The following PTPRF variants were observed in gnomAD, a reference collection of about 807,000 sequenced individuals.
PTPRF encodes the protein receptor-type tyrosine-protein phosphatase F.
A neutral mutation model predicts 201.8 loss-of-function variants in PTPRF; 59 were observed. The observed-to-expected ratio is 0.29, with a 90% CI of 0.24 to 0.36. The LOEUF (loss-of-function observed/expected upper bound fraction) is 0.36. Among genes scored for constraint, PTPRF ranks in the 10% least tolerant of loss-of-function variants. The probability of loss-of-function intolerance (pLI) is 1.00; values close to 1 mark genes in which losing one functional copy is unlikely to be tolerated. For synonymous variants in PTPRF, 1,088 were observed against 1,089.7 expected, an observed-to-expected ratio of 1.00 and a Z score of 0.03; for missense variants, 2,132 against 2,690.5, an observed-to-expected ratio of 0.79 and a Z score of 4.59.
chr1:43,526,488 G>C (rs1643116463), upstream of PTPRF, among the ~76,000 whole-genome samples: 2 of 151,878 alleles, frequency 1.3e-5, no homozygotes, highest in South Asian at 4.2e-4. Flanking sequence ...TGTGTTCTAA[G>C]TCCTGGGCCT....
intron 7 of PTPRF, among the ~76,000 whole-genome samples, chr1:43,587,282 A>C (rs1367706274): frequency 1.3e-5 from 2 of 152,196 alleles, no homozygotes; most frequent in African/African-American, 4.8e-5. Context: ...AGTGGACAAC[A>C]AGGCAGGAGG....
chr1:43,608,595 G>C (rs1052065820), intron 21 of PTPRF, among the ~76,000 whole-genome samples: 11 of 152,198 alleles, frequency 7.2e-5, no homozygotes, highest in African/African-American at 2.7e-4. Flanking sequence ...AGACTGCATT[G>C]CTTTCCCTGA....
chr1:43,530,528 A>T (rs186412538), upstream of PTPRF, among the ~76,000 whole-genome samples: 2 of 152,248 alleles, frequency 1.3e-5, no homozygotes, highest in East Asian at 3.9e-4. The surrounding 1 kb of genome is among the most constrained non-coding windows in gnomAD (Gnocchi z 4.1). Context: ...TTTGGACTCA[A>T]TATTGGGTTT....
In PTPRF at chr1:43,590,209, T is replaced by G. The variant is rs1570387093; in HGVS notation, c.950-763T>G. Among the ~76,000 whole-genome samples the G allele has an allele frequency of 3.9e-5, 6 of 152,238 alleles. No individual in the cohort carries two copies. The South Asian group carries it at 1.2e-3, about 32-fold the overall frequency. On this transcript the variant is annotated intron_variant, in intron 8 of 33. Coordinates refer to ENST00000359947, the MANE Select transcript of PTPRF (RefSeq NM_002840.5). ...GGCCTCAGCTTGGTGATGCTTTCCT[T>G]CCCTCATCACCGCATCCAAGGAGAT...
chr1:43,551,576 A>G (rs1645040191), intron 3 of PTPRF, among the ~76,000 whole-genome samples: 1 of 152,168 alleles, frequency 6.6e-6, no homozygotes, highest in Non-Finnish European at 1.5e-5. Context: ...CCCTCCAGGG[A>G]AGGCCGTAGG....
upstream of PTPRF, among the ~76,000 whole-genome samples, chr1:43,530,253 T>C (rs1215623068): frequency 6.7e-6 from 1 of 148,244 alleles, no homozygotes; most frequent in East Asian, 2.0e-4. The surrounding 1 kb of genome is among the most constrained non-coding windows in gnomAD (Gnocchi z 4.1). Context: ...AGTACTGGAG[T>C]TTTATGTAAG....
At chr1:43,576,066 A>C in intron 6 of PTPRF, 1 of 681,150 alleles carries the variant, frequency 1.5e-6, no homozygotes, top group South Asian at 1.5e-5. Flanking sequence ...AGCACCCCCA[A>C]CACCACCGGC....
Position 43,553,412 on chromosome 1 carries a change from C to A in PTPRF, c.92-80C>A, listed in dbSNP as rs1394520776. On this transcript the variant is annotated intron_variant, in intron 3 of 33. Transcript: ENST00000359947. The surrounding 1 kb of genome is among the most constrained non-coding windows in gnomAD (Gnocchi z 4.1). ...TTTTCTTTGTAGGTCTTTCTCTCTGCCCCCATGACTGCCACCTTCCTCACT... is the reference window on the plus strand; with the variant it reads ...TTTTCTTTGTAGGTCTTTCTCTCTGACCCCATGACTGCCACCTTCCTCACT... 6.9e-7 allele frequency: 1 copy of A among 1,456,612 alleles called. No individual in the cohort carries two copies. Among genetic ancestry groups the A allele is most frequent in the Non-Finnish European group, 9.4e-7 (1 of 1,061,980 alleles). The allele number at this position is 1,456,612 out of a possible 1,614,324, so 90.2% of individuals were successfully genotyped here.
Position 43,578,953 on chromosome 1 carries a change from C to T in PTPRF, c.679+33C>T, listed in dbSNP as rs150323160. The T allele has an allele frequency of 4.2e-5, 67 of 1,598,116 alleles. 1 individual carries two copies. In the East Asian group the frequency reaches 1.4e-3, roughly 33 times the overall value. On this transcript the variant is annotated intron_variant, in intron 7 of 33. Transcript: ENST00000359947. ...CTCAGGCAGTGCCTGGCCCCTGTCA[C>T]CACAGAGCTGTGCTGCACCTGCCGG...
intron 1 of PTPRF, among the ~76,000 whole-genome samples, chr1:43,536,311 G>A (rs1433474268): frequency 2.0e-5 from 3 of 152,174 alleles, no homozygotes; most frequent in Non-Finnish European, 2.9e-5. Flanking sequence ...AGACTGACGT[G>A]GTTCAAAGTT....
At chr1:43,589,393 C>T (rs1650021972) in intron 8 of PTPRF, among the ~76,000 whole-genome samples, 1 of 150,820 alleles carries the variant, frequency 6.6e-6, no homozygotes, top group Non-Finnish European at 1.5e-5. Flanking sequence ...GGACTTAAAC[C>T]CAGTGTGGTC....
upstream of PTPRF, among the ~76,000 whole-genome samples, chr1:43,526,022 G>A (rs1317305969): frequency 6.6e-6 from 1 of 151,918 alleles, no homozygotes; most frequent in African/African-American, 2.4e-5. Context: ...GGATGGGAAA[G>A]ACATGCGCAT....
At chr1:43,600,784 T>TG (rs1653557612) in intron 13 of PTPRF, among the ~76,000 whole-genome samples, 1 of 152,104 alleles carries the variant, frequency 6.6e-6, no homozygotes, top group Non-Finnish European at 1.5e-5. Flanking sequence ...TTTGTCTTGC[T>TG]CTTTCTCTTC....
chr1:43,587,005 T>G (rs1385118840), intron 7 of PTPRF, among the ~76,000 whole-genome samples: 2 of 152,192 alleles, frequency 1.3e-5, no homozygotes. Context: ...TACAAGATAC[T>G]CTCATGCCCT....
At chr1:43,586,503 C>T (rs533722750) in intron 7 of PTPRF, among the ~76,000 whole-genome samples, 4 of 152,316 alleles carry the variant, frequency 2.6e-5, no homozygotes, top group East Asian at 1.9e-4. Flanking sequence ...AGCCATGCCC[C>T]GGGATCCACC....
intron 5 of PTPRF, 108 bp from the exon 6 acceptor site, chr1:43,569,482 G>A: frequency 9.3e-7 from 1 of 1,074,720 alleles, no homozygotes; most frequent in Non-Finnish European, 1.3e-6. Context: ...AAAGGGGAGG[G>A]GAGTCTTGAG....
intron 1 of PTPRF, among the ~76,000 whole-genome samples, chr1:43,532,082 GTCTC>G (rs976711926): frequency 3.9e-5 from 6 of 152,072 alleles, no homozygotes; most frequent in Non-Finnish European, 7.4e-5. Context: ...CTCCGCTTGG[GTCTC>G]TCTATTTCCT....
chr1:43,617,294 C>A, intron 23 of PTPRF, 151 bp from the exon 24 acceptor site: 1 of 1,131,882 alleles, frequency 8.8e-7, no homozygotes, highest in Non-Finnish European at 1.2e-6. Flanking sequence ...CTGTGAGCTC[C>A]ATGGCTGGCA....
At chr1:43,565,192 G>A (rs1646073937) in intron 5 of PTPRF, among the ~76,000 whole-genome samples, 1 of 152,124 alleles carries the variant, frequency 6.6e-6, no homozygotes, top group South Asian at 2.1e-4. Context: ...GAGCTGTGGA[G>A]TCAAACCGAT....
Sources: allele counts gnomAD v4.1 joint callset (sites outside exome capture counted in the v4.1 genomes callset), GRCh38; gene constraint gnomAD v4.1.1; non-coding constraint Gnocchi (gnomAD v3.1); transcripts MANE v1.5; gene names NCBI Gene and HGNC (gene_info 2026-07-23, HGNC 2026-07-21).